ZNF133: variants seen among roughly 807,000 people sequenced by gnomAD.
ZNF133 encodes the protein zinc finger protein 133, also known as zinc finger protein 133 (clone pHZ-13).
In ZNF133, 26 loss-of-function variants were observed where a neutral mutation model predicts 54.9. That is an observed-to-expected ratio of 0.47 (90% confidence interval 0.35 to 0.66). ZNF133 has a LOEUF of 0.66. Among genes scored for constraint, ZNF133 ranks in the 30% least tolerant of loss-of-function variants. ZNF133 has a pLI of 0.01. For missense variants in ZNF133, 653 were observed against 820.8 expected, an observed-to-expected ratio of 0.80 and a Z score of 2.50; for synonymous variants, 298 against 320.3, an observed-to-expected ratio of 0.93 and a Z score of 0.74.
chr20:18,289,246 G>A lies in ZNF133; in HGVS notation c.-432+642G>A, dbSNP rs189905108. 9.5e-4 allele frequency among the ~76,000 whole-genome samples: 144 copies of A among 152,286 alleles called. 2 individuals carry two copies. The highest frequency in any genetic ancestry group is 3.4e-3 in the African/African-American group (140 of 41,554). ...GGGCGTTGGAGGAGGAAGTCTGGCT[G>A]GGACGCACAGGACAGGTTTTTTCCA... is the stretch of plus-strand genomic sequence containing the variant. On this transcript the variant is annotated intron_variant, in intron 1 of 6. Transcript: ENST00000425686.
In ZNF133 at chr20:18,315,206, C is replaced by A. The variant is rs769060145; in HGVS notation, c.355C>A (p.Pro119Thr). 6.2e-7 allele frequency: 1 copy of A among 1,613,966 alleles called. No homozygotes were observed. Among genetic ancestry groups the A allele is most frequent in the East Asian group, 2.2e-5 (1 of 44,876 alleles). ...TCLCAEGNIQ[P>T]GDPGPGDQEK... ...CTTGTGTGCAGAAGGTAACATCCAG[C>A]CTGGGGATCCGGGCCCAGGGGACCA... is the stretch of plus-strand genomic sequence containing the variant. The change falls in exon 7 of 7, where the codon CCT (proline) becomes ACT (threonine). Residue 119 changes from proline to threonine, a missense_variant. Around this residue, in one of 4 missense-constraint regions of ZNF133, gnomAD observed 227 missense variants for 233.9 expected, o/e 0.97. Transcript: ENST00000425686.
At chr20:18,301,613 T>C (rs574188159) in intron 3 of ZNF133, among the ~76,000 whole-genome samples, 1 of 152,278 alleles carries the variant, frequency 6.6e-6, no homozygotes, top group East Asian at 1.9e-4. Context: ...GTAAAAAGGA[T>C]TGTACAAGAG....
At chr20:18,298,257 G>C in intron 2 of ZNF133, 32 bp from the exon 3 acceptor site, 1 of 1,423,240 alleles carries the variant, frequency 7.0e-7, no homozygotes, top group Non-Finnish European at 9.2e-7. Context: ...CAATTCTACA[G>C]TATGAGATAG....
intron 6 of ZNF133, among the ~76,000 whole-genome samples, chr20:18,307,316 G>A (rs1248658868): frequency 6.6e-6 from 1 of 152,124 alleles, no homozygotes; most frequent in African/African-American, 2.4e-5. Context: ...TATGGTACAG[G>A]TGGCAGTGTA....
rs1272396633 is a variant in ZNF133, at chr20:18,316,925, C to G, written c.*109C>G. The G allele has an allele frequency of 4.5e-6, 6 of 1,323,888 alleles. No homozygotes were observed. The African/African-American group carries it at 8.8e-5, about 19-fold the overall frequency. The allele number at this position is 1,323,888 out of a possible 1,614,324, so 82.0% of individuals were successfully genotyped here. A position where few individuals can be genotyped will look rare whatever the true frequency, so the allele number is the denominator to read the frequency against. The stretch of plus-strand genomic sequence containing the variant: ...CAAAGGACATTTGACTGTTTACTTT[C>G]TCCACACTAAGTCTTCTCCATGTTT... On this transcript the variant is annotated 3_prime_UTR_variant, in exon 7 of 7. Coordinates refer to ENST00000425686, the MANE Select transcript of ZNF133 (RefSeq NM_001352452.2).
In ZNF133 at chr20:18,315,813, CAG is replaced by C. The variant is rs1476692543; in HGVS notation, c.963_964del (p.Glu323LysfsTer35). On this transcript the variant is annotated frameshift_variant, in exon 7 of 7. Coordinates refer to ENST00000425686, the MANE Select transcript of ZNF133 (RefSeq NM_001352452.2). LOFTEE classifies it high-confidence loss of function. ...CTCATCATACACCAGAGGACACACT[CAG>C]GGGAAAAGCCTTACGTGTGCCGGGA... is the stretch of plus-strand genomic sequence containing the variant. 1.2e-6 allele frequency: 2 copies of C among 1,612,534 alleles called. No homozygotes were observed. Among genetic ancestry groups the C allele is most frequent in the East Asian group, 2.2e-5 (1 of 44,862 alleles).
At chr20:18,307,892 A>G (rs552754110) in intron 6 of ZNF133, among the ~76,000 whole-genome samples, 14 of 152,166 alleles carry the variant, frequency 9.2e-5, no homozygotes, top group Admixed American at 2.0e-4. Context: ...CACTAATTAT[A>G]ATTAAATTTT....
intron 3 of ZNF133, among the ~76,000 whole-genome samples, chr20:18,299,057 A>T (rs986173981): frequency 2.0e-5 from 3 of 152,200 alleles, no homozygotes; most frequent in African/African-American, 7.2e-5. Context: ...ATCATAAGGC[A>T]TACAAAGAAT....
At chr20:18,291,033 A>G (rs556906382) in intron 1 of ZNF133, among the ~76,000 whole-genome samples, 1 of 152,334 alleles carries the variant, frequency 6.6e-6, no homozygotes, top group Admixed American at 6.5e-5. Context: ...AGGCTGAGGC[A>G]GGAGAATCTG....
At chr20:18,310,433 A>C in intron 6 of ZNF133, 2 of 1,029,788 alleles carry the variant, frequency 1.9e-6, no homozygotes, top group Non-Finnish European at 2.6e-6. Context: ...CTGTTTCATT[A>C]ATCAGAATGC....
chr20:18,310,582 T>C (rs1420324163), intron 6 of ZNF133, among the ~76,000 whole-genome samples: 1 of 152,138 alleles, frequency 6.6e-6, no homozygotes, highest in Non-Finnish European at 1.5e-5. Flanking sequence ...AAGGTTGGAC[T>C]CATAGAGAAA....
Position 18,307,115 on chromosome 20 carries a change from A to G in ZNF133, c.217+722A>G, listed in dbSNP as rs148230630. ...TTTGTATTATACACTCCTTATTACA[A>G]TGTTAAAATGTTTGTTTTAAATGTT... On this transcript the variant is annotated intron_variant, in intron 6 of 6. Coordinates refer to ENST00000425686, the MANE Select transcript of ZNF133 (RefSeq NM_001352452.2). 1.2e-4 allele frequency among the ~76,000 whole-genome samples: 19 copies of G among 152,278 alleles called. No homozygotes were observed. The East Asian group carries it at 2.1e-3, about 17-fold the overall frequency.
chr20:18,314,305 A>G (rs983347943), intron 6 of ZNF133: 3 of 152,180 alleles, frequency 2.0e-5, no homozygotes, highest in African/African-American at 7.2e-5. Flanking sequence ...AATATACTCA[A>G]TGTTGACATC....
intron 6 of ZNF133, among the ~76,000 whole-genome samples, chr20:18,308,814 G>A (rs981586862): frequency 6.6e-6 from 1 of 152,188 alleles, no homozygotes; most frequent in African/African-American, 2.4e-5. Flanking sequence ...TTGCTCAGGG[G>A]TTGACTGAGG....
rs1309983302 is a variant in ZNF133, at chr20:18,305,943, G to C, written c.121+136G>C. ...ACTACATTTTATTCGTGTTTCCCCA[G>C]GGAGGGTCTGATTTTGCAGAGTGGA... On this transcript the variant is annotated intron_variant, in intron 5 of 6. Transcript: ENST00000425686. The surrounding 1 kb of genome is among the most constrained non-coding windows in gnomAD (Gnocchi z 4.7). The C allele has an allele frequency of 1.7e-6, 2 of 1,196,982 alleles. No individual in the cohort carries two copies. The highest frequency in any genetic ancestry group is 2.3e-6 in the Non-Finnish European group (2 of 868,412). The allele number at this position is 1,196,982 out of a possible 1,614,324, so 74.1% of individuals were successfully genotyped here. A position where few individuals can be genotyped will look rare whatever the true frequency, so the allele number is the denominator to read the frequency against.
chr20:18,306,485 A>G, intron 6 of ZNF133, 92 bp downstream of exon 6: 5 of 1,311,788 alleles, frequency 3.8e-6, no homozygotes, highest in Admixed American at 2.0e-5. Flanking sequence ...TGGGGAGGGA[A>G]GCTGTTCCCC....
intron 3 of ZNF133, among the ~76,000 whole-genome samples, chr20:18,304,235 T>C (rs1600468317): frequency 6.6e-6 from 1 of 152,188 alleles, no homozygotes; most frequent in African/African-American, 2.4e-5. Flanking sequence ...TGGCTATTAC[T>C]TTAAAAAAAA....
At chr20:18,306,443 G>C in intron 6 of ZNF133, 50 bp downstream of exon 6, 1 of 1,561,446 alleles carries the variant, frequency 6.4e-7, no homozygotes, top group Non-Finnish European at 8.8e-7. Flanking sequence ...GCAGCTCAGA[G>C]GACTGGGGGA....
Position 18,315,926 on chromosome 20 carries a change from TGTG to T in ZNF133, c.1077_1079del (p.Gly360del), listed in dbSNP as rs1568812852. ...GGAGAAGACCATCGTGTGCAGTGAC[TGTG>T]GCCTGGGCTTCAGCGACAGGTCAAA... is the stretch of plus-strand genomic sequence containing the variant. On this transcript the variant is annotated inframe_deletion, in exon 7 of 7. Transcript: ENST00000425686. The T allele has an allele frequency of 2.5e-6, 4 of 1,613,966 alleles. No homozygotes were observed. Among genetic ancestry groups the T allele is most frequent in the Non-Finnish European group, 2.5e-6 (3 of 1,180,024 alleles).
Sources: allele counts gnomAD v4.1 joint callset (sites outside exome capture counted in the v4.1 genomes callset), GRCh38; gene constraint gnomAD v4.1.1; regional missense constraint gnomAD v4.1.1; non-coding constraint Gnocchi (gnomAD v3.1); transcripts MANE v1.5; gene names NCBI Gene and HGNC (gene_info 2026-07-23, HGNC 2026-07-21).